CFTR: variants seen among roughly 807,000 people sequenced by gnomAD.
The protein encoded by CFTR is CF transmembrane conductance regulator.
Under a neutral mutation model 171.6 loss-of-function variants are expected in CFTR, and 181 were observed. The ratio of observed to expected loss-of-function variants is 1.05; its 90% CI spans 0.93 to 1.19. The LOEUF is 1.19. Ranked by LOEUF, CFTR falls within the 50% of genes most tolerant of loss-of-function variation. The pLI is 0.00. For synonymous variants in CFTR, 583 were observed against 608.0 expected, an observed-to-expected ratio of 0.96 and a Z score of 0.60; for missense variants, 1,968 against 1,734.7, an observed-to-expected ratio of 1.13 and a Z score of -2.39.
chr7:117,480,735 A>C (rs1797989333), intron 1 of CFTR, among the ~76,000 whole-genome samples: 1 of 152,234 alleles, frequency 6.6e-6, no homozygotes, highest in Non-Finnish European at 1.5e-5. Flanking sequence ...GAAAAAAGTT[A>C]CTTCACAAGC....
chr7:117,523,264 T>C (rs1192339909), intron 3 of CFTR, among the ~76,000 whole-genome samples: 1 of 152,178 alleles, frequency 6.6e-6, no homozygotes, highest in Non-Finnish European at 1.5e-5. Context: ...GGAGGATCTG[T>C]TGATCTATGG....
intron 11 of CFTR, among the ~76,000 whole-genome samples, chr7:117,580,866 T>C (rs1791839415): frequency 6.6e-6 from 1 of 152,152 alleles, no homozygotes; most frequent in Admixed American, 6.6e-5. Flanking sequence ...CATTCAGTAG[T>C]ATGTTATTCA....
intron 26 of CFTR, among the ~76,000 whole-genome samples, chr7:117,665,765 T>C (rs779052472): frequency 9.2e-5 from 14 of 152,208 alleles, no homozygotes; most frequent in Non-Finnish European, 1.8e-4. Flanking sequence ...TGAAATATAG[T>C]AAATCTAAAA....
At position 117,584,917 on chromosome 7, in the gene CFTR, G is replaced by GT. The variant is rs59048119; in HGVS notation, c.1585-2810dup. Among the ~76,000 whole-genome samples, 788 of 146,968 alleles carry GT rather than the reference G, an allele frequency of 5.4e-3. 4 individuals are homozygous for GT. The highest frequency in any genetic ancestry group is 0.013 in the African/African-American group (504 of 40,254). On this transcript the variant is annotated intron_variant, in intron 11 of 26. Coordinates refer to ENST00000003084, the MANE Select transcript of CFTR (RefSeq NM_000492.4). ...GTTAAGTATATTTTCATGTATTTTA[G>GT]TTTTTTTTTTTTGTTTGTTTTGTTT... is the stretch of plus-strand genomic sequence containing the variant.
intron 11 of CFTR, among the ~76,000 whole-genome samples, chr7:117,569,916 T>G (rs1791663170): frequency 6.6e-6 from 1 of 152,144 alleles, no homozygotes; most frequent in Non-Finnish European, 1.5e-5. Context: ...TGTACTCTCG[T>G]GTAACTTACA....
intron 1 of CFTR, among the ~76,000 whole-genome samples, chr7:117,480,644 T>A (rs1797987850): frequency 6.6e-6 from 1 of 152,172 alleles, no homozygotes; most frequent in Admixed American, 6.5e-5. Context: ...TTTATTGTTA[T>A]GAGACTGGAT....
At chr7:117,637,801 C>G (rs1468226817) in intron 22 of CFTR, among the ~76,000 whole-genome samples, 1 of 152,006 alleles carries the variant, frequency 6.6e-6, no homozygotes, top group African/African-American at 2.4e-5. Context: ...TGCTTGAACC[C>G]AGTAAGTGGA....
chr7:117,540,078 T>G, intron 7 of CFTR, 22 bp from the exon 8 acceptor site: 1 of 1,599,272 alleles, frequency 6.3e-7, no homozygotes, highest in Non-Finnish European at 8.6e-7. Flanking sequence ...ATCCTGAATT[T>G]TATTGTTATT....
chr7:117,645,389 A>G (rs1465830510), intron 23 of CFTR, among the ~76,000 whole-genome samples: 2 of 152,228 alleles, frequency 1.3e-5, no homozygotes, highest in South Asian at 4.1e-4. Flanking sequence ...ACTCATTGTC[A>G]TAAGTCAGAG....
rs397508457 is a variant in CFTR, at chr7:117,606,670, A to G, written c.2909-4A>G. ...TGAGGAATTTGTCATCTTGTATATT[A>G]TAGGTGGGATTCTTAATAGATTCTC... On this transcript the variant is annotated splice_polypyrimidine_tract_variant and splice_region_variant and intron_variant, in intron 17 of 26. Transcript: ENST00000003084. The G allele has an allele frequency of 2.0e-6, 3 of 1,488,990 alleles. No individual in the cohort carries two copies. The allele number at this position is 1,488,990 out of a possible 1,614,324, so 92.2% of individuals were successfully genotyped here. A position where few individuals can be genotyped will look rare whatever the true frequency, so the allele number is the denominator to read the frequency against.
chr7:117,599,874 C>T (rs1035847356), intron 15 of CFTR, among the ~76,000 whole-genome samples: 1 of 152,036 alleles, frequency 6.6e-6, no homozygotes, highest in Non-Finnish European at 1.5e-5. Flanking sequence ...GAGCATGTCA[C>T]ATTCTGGTAC....
chr7:117,602,916 A>ATATTGTAATCCACTATGTTTGTATG, intron 16 of CFTR, 53 bp downstream of exon 16: 1 of 1,411,546 alleles, frequency 7.1e-7, no homozygotes, highest in Non-Finnish European at 1.0e-6. Flanking sequence ...TGTTGATTAA[A>ATATTGTAATCCACTATGTTTGTATG]TATTGTAATC....
chr7:117,613,715 T>C (rs1792439488), intron 20 of CFTR, among the ~76,000 whole-genome samples: 1 of 152,150 alleles, frequency 6.6e-6, no homozygotes, highest in Non-Finnish European at 1.5e-5. Context: ...TATTATGCCT[T>C]CTGTTAGAGG....
At chr7:117,583,281 C>T (rs1237053658) in intron 11 of CFTR, among the ~76,000 whole-genome samples, 1 of 152,014 alleles carries the variant, frequency 6.6e-6, no homozygotes, top group Non-Finnish European at 1.5e-5. Context: ...ATCACCTGAG[C>T]AGTGTGCACT....
chr7:117,555,595 A>G (rs942831055), intron 10 of CFTR, among the ~76,000 whole-genome samples: 20 of 152,332 alleles, frequency 1.3e-4, no homozygotes, highest in African/African-American at 3.8e-4. Context: ...CAAGCAATCC[A>G]TACAAAGTGC....
rs1369001389 is a variant in CFTR, at chr7:117,480,124, C to G, written c.30C>G (p.Ser10Arg). 1 of 1,613,806 alleles carries G rather than the reference C, an allele frequency of 6.2e-7. No homozygotes were observed. The highest frequency in any genetic ancestry group is 1.7e-5 in the Admixed American group (1 of 59,978). The change falls in exon 1 of 27, where the codon AGC becomes AGG. Residue 10 changes from serine to arginine, a missense_variant. Ser to Arg is a moderately radical substitution (Grantham distance 110). Coordinates refer to ENST00000003084, the MANE Select transcript of CFTR (RefSeq NM_000492.4). Reference protein sequence around the residue: MQRSPLEKASVVSKLFFSWT... With the variant: MQRSPLEKARVVSKLFFSWT... The stretch of plus-strand genomic sequence containing the variant: ...AGAGGTCGCCTCTGGAAAAGGCCAG[C>G]GTTGTCTCCAAACTTTTTTTCAGGT...
intron 11 of CFTR, among the ~76,000 whole-genome samples, chr7:117,562,327 C>T (rs1791517988): frequency 6.6e-6 from 1 of 152,032 alleles, no homozygotes; most frequent in Admixed American, 6.6e-5. Flanking sequence ...GAAGGAAAGC[C>T]ATGAAGCCAA....
intron 18 of CFTR, among the ~76,000 whole-genome samples, chr7:117,610,265 C>T (rs1285385135): frequency 1.4e-5 from 2 of 145,750 alleles, no homozygotes; most frequent in African/African-American, 5.1e-5. Context: ...AGGGATAGCA[C>T]TGGGAGATAT....
chr7:117,504,348 C>G lies in CFTR; in HGVS notation c.149C>G (p.Ser50Cys). Residue 50 changes from serine to cysteine, a missense_variant, in exon 2 of 27, where the codon TCT (serine) becomes TGT (cysteine). Physicochemically the swap from Ser to Cys is moderately radical, Grantham distance 112. Coordinates refer to ENST00000003084, the MANE Select transcript of CFTR (RefSeq NM_000492.4). ...IPSVDSADNL[S>C]EKLEREWDRE... ...TCTGTTGATTCTGCTGACAATCTAT[C>G]TGAAAAATTGGAAAGGTATGTTCAT... The G allele has an allele frequency of 6.3e-7, 1 of 1,581,436 alleles. No individual in the cohort carries two copies. The highest frequency in any genetic ancestry group is 8.7e-7 in the Non-Finnish European group (1 of 1,150,492).
Sources: gnomAD v4.1 joint callset for allele counts (sites outside exome capture counted in the v4.1 genomes callset) on GRCh38, gnomAD v4.1.1 for gene constraint, MANE v1.5 for transcripts, NCBI Gene and HGNC (gene_info 2026-07-23, HGNC 2026-07-21) for gene names.